The following MED27 variants were observed in gnomAD, a reference collection of about 807,000 sequenced individuals.
The protein encoded by MED27 is mediator complex subunit 27.
Under a neutral mutation model 38.2 loss-of-function variants are expected in MED27, and 30 were observed. The observed-to-expected ratio is 0.79, with a 90% CI of 0.59 to 1.07. The LOEUF (loss-of-function observed/expected upper bound fraction) is 1.07, where lower values mean the gene tolerates loss of function less well. MED27 is among the 50% of genes least tolerant of loss of function. The pLI is 0.00. For missense variants in MED27, 289 were observed against 397.5 expected, an observed-to-expected ratio of 0.73 and a Z score of 2.32; for synonymous variants, 122 against 153.5, an observed-to-expected ratio of 0.79 and a Z score of 1.52.
At chr9:132,048,740 C>T (rs1265633366) in intron 2 of MED27, among the ~76,000 whole-genome samples, 1 of 152,182 alleles carries the variant, frequency 6.6e-6, no homozygotes, top group Non-Finnish European at 1.5e-5. Flanking sequence ...GTCCTTCATC[C>T]GACACCTGCA....
intron 4 of MED27, among the ~76,000 whole-genome samples, chr9:131,899,976 G>A (rs1346661463): frequency 6.6e-6 from 1 of 152,238 alleles, no homozygotes; most frequent in Non-Finnish European, 1.5e-5. Context: ...CTTGGCAACT[G>A]CTATAGGATA....
intron 2 of MED27, chr9:132,073,257 TA>T: frequency 1.1e-6 from 1 of 920,304 alleles, no homozygotes; most frequent in Middle Eastern, 5.5e-4. Context: ...GCTTTCTCAG[TA>T]ATGGCTGAAA....
At chr9:131,935,509 G>A (rs555621153) in intron 4 of MED27, among the ~76,000 whole-genome samples, 17 of 152,336 alleles carry the variant, frequency 1.1e-4, no homozygotes, top group African/African-American at 4.1e-4. Flanking sequence ...GTCACAGGAT[G>A]GACATTAGAC....
chr9:132,014,518 G>C (rs758819488), intron 2 of MED27, 51 bp from the exon 3 acceptor site: 1 of 1,584,182 alleles, frequency 6.3e-7, no homozygotes, highest in East Asian at 2.3e-5. Flanking sequence ...TTTGGTAAAA[G>C]TAGGACAAAT....
chr9:131,972,100 C>T (rs973226658), intron 3 of MED27, among the ~76,000 whole-genome samples: 6 of 152,174 alleles, frequency 3.9e-5, no homozygotes, highest in Admixed American at 3.3e-4. Context: ...AGCTTCTAAT[C>T]GGATTTGTTG....
Position 131,878,103 on chromosome 9 carries a change from C to T in MED27, c.723+5955G>A, listed in dbSNP as rs138797353. On this transcript the variant is annotated intron_variant, in intron 6 of 7. Coordinates refer to ENST00000292035, the MANE Select transcript of MED27 (RefSeq NM_004269.4). Reference sequence around the variant, plus strand: ...CAGCCTGGCCAACACGGTGAAACCCCGTCTCTACAAAAATACAAAAATTAG... The same window carrying T: ...CAGCCTGGCCAACACGGTGAAACCCTGTCTCTACAAAAATACAAAAATTAG... Among the ~76,000 whole-genome samples the T allele has an allele frequency of 7.1e-3, 1,081 of 152,004 alleles. 15 individuals are homozygous for T. The highest frequency in any genetic ancestry group is 0.017 in the Middle Eastern group (5 of 294).
chr9:131,921,213 GTGTCC>G (rs1234166509), intron 4 of MED27, among the ~76,000 whole-genome samples: 2 of 152,064 alleles, frequency 1.3e-5, no homozygotes, highest in Non-Finnish European at 2.9e-5. Flanking sequence ...CTTCATCTAG[GTGTCC>G]TGTTAGCACT....
At chr9:131,880,148 G>A (rs144446595) in intron 6 of MED27, among the ~76,000 whole-genome samples, 10 of 152,172 alleles carry the variant, frequency 6.6e-5, no homozygotes, top group East Asian at 1.9e-4. Flanking sequence ...CGCATGCTTC[G>A]TGCTTTCTAC....
chr9:132,069,660 C>T (rs548804862), intron 2 of MED27, among the ~76,000 whole-genome samples: 1 of 152,342 alleles, frequency 6.6e-6, no homozygotes, highest in South Asian at 2.1e-4. Flanking sequence ...TGGAAATACT[C>T]TCCATTCCTC....
chr9:132,041,830 G>A (rs936729409), intron 2 of MED27, among the ~76,000 whole-genome samples: 5 of 152,230 alleles, frequency 3.3e-5, no homozygotes, highest in African/African-American at 7.2e-5. Context: ...GGCAGCTGCC[G>A]CTGACTTTCT....
chr9:131,871,423 T>A (rs1838831543), intron 6 of MED27, among the ~76,000 whole-genome samples: 1 of 152,184 alleles, frequency 6.6e-6, no homozygotes, highest in Admixed American at 6.5e-5. Flanking sequence ...CTTAATACAC[T>A]ATTGTCCTCA....
At chr9:132,027,947 C>T (rs766393151) in intron 2 of MED27, among the ~76,000 whole-genome samples, 1 of 152,196 alleles carries the variant, frequency 6.6e-6, no homozygotes, top group Admixed American at 6.5e-5. Context: ...TGGCTGGGAC[C>T]TCATCAACTG....
chr9:131,902,356 G>A (rs1829966185), intron 4 of MED27, among the ~76,000 whole-genome samples: 1 of 152,086 alleles, frequency 6.6e-6, no homozygotes, highest in South Asian at 2.1e-4. Flanking sequence ...ACTGGCTGTT[G>A]CTTCTTTCTA....
At position 131,861,975 on chromosome 9, in the gene MED27, C is replaced by A. The variant is rs893784698; in HGVS notation, c.801+1088G>T. The stretch of plus-strand genomic sequence containing the variant: ...ACCAAAGGGAAAGGGGGCATTACAA[C>A]GTGTTAGGCTCAAAAGCAAGTCTTT... On this transcript the variant is annotated intron_variant, in intron 7 of 7. Transcript: ENST00000292035. The surrounding 1 kb of genome is among the most constrained non-coding windows in gnomAD (Gnocchi z 4.4). Among the ~76,000 whole-genome samples the A allele has an allele frequency of 6.6e-6, 1 of 152,222 alleles. No individual in the cohort carries two copies. The highest frequency in any genetic ancestry group is 2.4e-5 in the African/African-American group (1 of 41,522).
chr9:131,939,275 G>T, intron 4 of MED27, 106 bp downstream of exon 4: 1 of 586,740 alleles, frequency 1.7e-6, no homozygotes, highest in Middle Eastern at 4.8e-4. Flanking sequence ...TATCAAATTG[G>T]AATTTAATCC....
intron 4 of MED27, among the ~76,000 whole-genome samples, chr9:131,911,461 G>C (rs546288394): frequency 6.6e-6 from 1 of 152,282 alleles, no homozygotes; most frequent in South Asian, 2.1e-4. Context: ...GCTGTCACTG[G>C]TTCCAAGAGA....
At chr9:132,039,654 T>C (rs1426531767) in intron 2 of MED27, among the ~76,000 whole-genome samples, 2 of 151,904 alleles carry the variant, frequency 1.3e-5, no homozygotes, top group Non-Finnish European at 2.9e-5. Flanking sequence ...GAACCCTACT[T>C]CAAAGGAGAG....
chr9:132,026,037 G>T (rs1261101419), intron 2 of MED27, among the ~76,000 whole-genome samples: 4 of 152,150 alleles, frequency 2.6e-5, no homozygotes, highest in Admixed American at 6.5e-5. Flanking sequence ...AGCCTAATAC[G>T]AGAAGGGCTA....
intron 3 of MED27, among the ~76,000 whole-genome samples, chr9:131,966,561 A>G (rs962355409): frequency 2.0e-5 from 3 of 152,038 alleles, no homozygotes; most frequent in African/African-American, 7.3e-5. Context: ...AAAAACAACA[A>G]GTTTAAAATG....
Sources: gnomAD v4.1 joint callset for allele counts (sites outside exome capture counted in the v4.1 genomes callset) on GRCh38, gnomAD v4.1.1 for gene constraint, Gnocchi (gnomAD v3.1) non-coding constraint, MANE v1.5 for transcripts, NCBI Gene and HGNC (gene_info 2026-07-23, HGNC 2026-07-21) for gene names.